Variants in PTPN13 observed in about 807,000 individuals in gnomAD.
The protein encoded by PTPN13 is tyrosine-protein phosphatase non-receptor type 13.
A neutral mutation model predicts 284.0 loss-of-function variants in PTPN13; 191 were observed. The ratio of observed to expected loss-of-function variants is 0.67; its 90% CI spans 0.60 to 0.76. The LOEUF is 0.76. Ranked by LOEUF, PTPN13 falls within the 30% of genes least tolerant of loss-of-function variation. The pLI, the probability that PTPN13 is intolerant of heterozygous loss-of-function variation, is 0.00. For synonymous variants in PTPN13, 986 were observed against 1,022.3 expected, an observed-to-expected ratio of 0.96 and a Z score of 0.68; for missense variants, 2,797 against 2,939.9, an observed-to-expected ratio of 0.95 and a Z score of 1.12.
chr4:86,714,231 C>T (rs895962290), intron 7 of PTPN13, among the ~76,000 whole-genome samples: 1 of 152,068 alleles, frequency 6.6e-6, no homozygotes, highest in Non-Finnish European at 1.5e-5. Flanking sequence ...CTTCTCAAGC[C>T]TTAGCCAAAC....
In PTPN13 at chr4:86,767,275, C is replaced by T. The variant is rs186659502; in HGVS notation, c.4330-542C>T. On this transcript the variant is annotated intron_variant, in intron 27 of 47. Transcript: ENST00000411767. ...TTTTTTTTTAATTGAGATGGAATTT[C>T]GCTCTTGTCACCCAGGCTGGAGTGC... 6.7e-3 allele frequency among the ~76,000 whole-genome samples: 934 copies of T among 139,832 alleles called. 10 individuals carry two copies. Among genetic ancestry groups the T allele is most frequent in the African/African-American group, 0.022 (835 of 37,206 alleles). The allele number at this position is 139,832 out of a possible 152,430, so 91.7% of individuals were successfully genotyped here.
At chr4:86,619,973 A>G (rs1371330501) in intron 1 of PTPN13, among the ~76,000 whole-genome samples, 1 of 151,962 alleles carries the variant, frequency 6.6e-6, no homozygotes, top group Non-Finnish European at 1.5e-5. Context: ...ATTGATAGTG[A>G]CTTTTGTACT....
intron 1 of PTPN13, among the ~76,000 whole-genome samples, chr4:86,620,758 C>T (rs1269306575): frequency 6.6e-6 from 1 of 152,190 alleles, no homozygotes; most frequent in African/African-American, 2.4e-5. Flanking sequence ...CTACCAAGTG[C>T]TCTTCCCTAA....
chr4:86,805,251 C>T, intron 43 of PTPN13, 28 bp from the exon 44 acceptor site: 1 of 1,462,476 alleles, frequency 6.8e-7, no homozygotes, highest in Non-Finnish European at 9.4e-7. Context: ...CTTATCTCAA[C>T]AAATTTATTT....
intron 3 of PTPN13, among the ~76,000 whole-genome samples, chr4:86,673,084 A>G (rs1396518651): frequency 3.0e-4 from 45 of 152,272 alleles, no homozygotes. Flanking sequence ...GCCAACATTG[A>G]TCTGACAGGA....
In PTPN13 at chr4:86,732,906, C is replaced by T. The variant is rs574406536; in HGVS notation, c.1858+140C>T. 15 of 544,404 alleles carry T rather than the reference C, an allele frequency of 2.8e-5. No homozygotes were observed. In the Admixed American group the frequency reaches 4.6e-4, roughly 17 times the overall value. 33.7% of individuals were successfully genotyped at this position (544,404 alleles called of 1,614,324 possible). On this transcript the variant is annotated intron_variant, in intron 12 of 47. Transcript: ENST00000411767. ...TCAGTAGAAGTGAGTTAGGAACTCCCTTTCTTCTCCCAGCTACTTTCATTG... is the reference window on the plus strand; with the variant it reads ...TCAGTAGAAGTGAGTTAGGAACTCCTTTTCTTCTCCCAGCTACTTTCATTG...
intron 42 of PTPN13, among the ~76,000 whole-genome samples, chr4:86,802,141 A>ATT (rs887494679): frequency 2.8e-5 from 4 of 142,020 alleles, no homozygotes; most frequent in Admixed American, 2.2e-4. Context: ...TGAGATCAAG[A>ATT]TTTTAGTGTG....
At chr4:86,698,177 T>A (rs1424391964) in intron 6 of PTPN13, among the ~76,000 whole-genome samples, 1 of 152,266 alleles carries the variant, frequency 6.6e-6, no homozygotes, top group East Asian at 1.9e-4. Flanking sequence ...AGAATTTAAA[T>A]AGCCATCATT....
chr4:86,812,265 C>G (rs868121587), intron 47 of PTPN13, among the ~76,000 whole-genome samples: 21 of 146,554 alleles, frequency 1.4e-4, no homozygotes, highest in Admixed American at 2.7e-4. Flanking sequence ...AGCCGAGATC[C>G]CGCCACTGCA....
chr4:86,783,982 T>A (rs1741621584), intron 37 of PTPN13, among the ~76,000 whole-genome samples: 1 of 152,066 alleles, frequency 6.6e-6, no homozygotes, highest in Admixed American at 6.5e-5. Context: ...GTCACTAAAT[T>A]GGAGACTATA....
At chr4:86,660,474 C>T (rs1411974272) in intron 2 of PTPN13, among the ~76,000 whole-genome samples, 1 of 151,820 alleles carries the variant, frequency 6.6e-6, no homozygotes, top group African/African-American at 2.4e-5. Flanking sequence ...AATCTTTGTA[C>T]AGGGTATGCA....
At chr4:86,793,503 C>T (rs949185306) in intron 40 of PTPN13, among the ~76,000 whole-genome samples, 32 of 152,134 alleles carry the variant, frequency 2.1e-4, no homozygotes, top group Admixed American at 1.4e-3. Context: ...ACCAAGTGGA[C>T]GTAATAGATA....
intron 6 of PTPN13, among the ~76,000 whole-genome samples, chr4:86,699,384 C>T (rs1253497221): frequency 6.6e-6 from 1 of 151,568 alleles, no homozygotes; most frequent in Non-Finnish European, 1.5e-5. Flanking sequence ...AGACTCTATC[C>T]CCCCTCCAAA....
At chr4:86,792,787 T>G (rs1204235078) in intron 40 of PTPN13, among the ~76,000 whole-genome samples, 1 of 152,188 alleles carries the variant, frequency 6.6e-6, no homozygotes, top group East Asian at 1.9e-4. Context: ...AGAAATAAAA[T>G]CCTTTGCAGA....
At chr4:86,754,701 T>C (rs1389498894) in intron 20 of PTPN13, among the ~76,000 whole-genome samples, 2 of 152,094 alleles carry the variant, frequency 1.3e-5, no homozygotes, top group Non-Finnish European at 2.9e-5. Context: ...TGGATAATAA[T>C]CTATTCAAGT....
chr4:86,767,238 C>T (rs1210430332), intron 27 of PTPN13, among the ~76,000 whole-genome samples: 1 of 142,732 alleles, frequency 7.0e-6, no homozygotes, highest in Non-Finnish European at 1.5e-5. Context: ...GCCACCACAC[C>T]TGGCTTTTTT....
intron 2 of PTPN13, among the ~76,000 whole-genome samples, chr4:86,638,963 T>A (rs1320897365): frequency 1.3e-5 from 2 of 151,894 alleles, no homozygotes; most frequent in African/African-American, 4.8e-5. Context: ...GAATCTACAA[T>A]GAACTCAAAC....
chr4:86,780,474 T>C lies in PTPN13; in HGVS notation c.5962+2T>C. On this transcript the variant is annotated splice_donor_variant, in intron 36 of 47. Coordinates refer to ENST00000411767, the MANE Select transcript of PTPN13 (RefSeq NM_080683.3). LOFTEE classifies it high-confidence loss of function. ...CTCCAAAGTCAACCAAAGGCAATGG[T>C]AAGGATATATTCATTTTACTGTACT... 2 of 1,586,882 alleles carry C rather than the reference T, an allele frequency of 1.3e-6. No homozygotes were observed. Among genetic ancestry groups the C allele is most frequent in the East Asian group, 2.2e-5 (1 of 44,678 alleles).
At position 86,716,553 on chromosome 4, in the gene PTPN13, TATC is replaced by T. The variant is rs1233126578; in HGVS notation, c.1222_1224del (p.His408del). 9 of 1,592,548 alleles carry T rather than the reference TATC, an allele frequency of 5.7e-6. No individual in the cohort carries two copies. Among genetic ancestry groups the T allele is most frequent in the Non-Finnish European group, 7.7e-6 (9 of 1,170,136 alleles). ...AGAACCAGTTCGAAGATACAAAACT[TATC>T]ATGGTGATGTCTTTAGTACCTCCAG... On this transcript the variant is annotated inframe_deletion, in exon 8 of 48. Coordinates refer to ENST00000411767, the MANE Select transcript of PTPN13 (RefSeq NM_080683.3).
Sources: allele counts gnomAD v4.1 joint callset (sites outside exome capture counted in the v4.1 genomes callset), GRCh38; gene constraint gnomAD v4.1.1; transcripts MANE v1.5; gene names NCBI Gene and HGNC (gene_info 2026-07-23, HGNC 2026-07-21).